Variants in VPS53 observed in about 807,000 individuals in gnomAD.
The protein encoded by VPS53 is vacuolar protein sorting-associated protein 53 homolog.
Under a neutral mutation model 107.0 loss-of-function variants are expected in VPS53, and 70 were observed. The ratio of observed to expected loss-of-function variants is 0.65; its 90% CI spans 0.54 to 0.80. VPS53 has a LOEUF of 0.80. VPS53 is among the 30% of genes least tolerant of loss of function. The probability of loss-of-function intolerance (pLI) is 0.00; values close to 1 mark genes in which losing one functional copy is unlikely to be tolerated. For missense variants in VPS53, 917 were observed against 1,049.4 expected (o/e 0.87, Z 1.74); for synonymous variants, 409 against 393.3 (o/e 1.04, Z -0.47).
chr17:640,643 C>G (rs182869460), intron 7 of VPS53, among the ~76,000 whole-genome samples: 1 of 151,950 alleles, frequency 6.6e-6, no homozygotes, highest in Admixed American at 6.6e-5. Context: ...CACTTCCTCT[C>G]TGTGGGTCAC....
chr17:568,517 G>C (rs922612018), intron 13 of VPS53, among the ~76,000 whole-genome samples: 4 of 152,148 alleles, frequency 2.6e-5, no homozygotes, highest in African/African-American at 9.7e-5. Context: ...AGGGTGCTGG[G>C]ATTACAGGCA....
chr17:653,991 C>G (rs1425545487), intron 6 of VPS53, among the ~76,000 whole-genome samples: 1 of 152,146 alleles, frequency 6.6e-6, no homozygotes, highest in Non-Finnish European at 1.5e-5. Flanking sequence ...GTCACGAGAT[C>G]GAGATCATCC....
intron 15 of VPS53, among the ~76,000 whole-genome samples, chr17:553,989 G>C (rs956596159): frequency 2.0e-5 from 3 of 152,160 alleles, no homozygotes; most frequent in African/African-American, 4.8e-5. Context: ...ACTTCCTCCA[G>C]AGCCTGTGCC....
At chr17:555,123 C>T (rs1912215653) in intron 15 of VPS53, among the ~76,000 whole-genome samples, 1 of 152,242 alleles carries the variant, frequency 6.6e-6, no homozygotes, top group African/African-American at 2.4e-5. Flanking sequence ...CTTCCTATGA[C>T]ACCGAAAATA....
At chr17:657,569 G>A (rs1016928271) in intron 5 of VPS53, 1 of 955,714 alleles carries the variant, frequency 1.0e-6, no homozygotes, top group Non-Finnish European at 1.7e-6. Flanking sequence ...GCAAGGAAAA[G>A]AGGACCTTTG....
chr17:668,320 C>G (rs1432358474), intron 4 of VPS53, among the ~76,000 whole-genome samples: 1 of 152,174 alleles, frequency 6.6e-6, no homozygotes, highest in Non-Finnish European at 1.5e-5. Flanking sequence ...ACAGTGGGAC[C>G]TTGACAAATA....
intron 7 of VPS53, chr17:632,864 G>A (rs1042946709): frequency 2.3e-6 from 1 of 426,474 alleles, no homozygotes; most frequent in Non-Finnish European, 4.7e-6. Flanking sequence ...AAACCAACAA[G>A]CTCGTTAAGT....
At chr17:531,685 T>C (rs903891398) in intron 19 of VPS53, among the ~76,000 whole-genome samples, 2 of 151,704 alleles carry the variant, frequency 1.3e-5, no homozygotes, top group East Asian at 1.9e-4. Flanking sequence ...TTTTGAGAGA[T>C]AGGGTTGCAC....
At chr17:592,971 A>G (rs1967747841) in intron 12 of VPS53, among the ~76,000 whole-genome samples, 1 of 152,146 alleles carries the variant, frequency 6.6e-6, no homozygotes. Flanking sequence ...GGATAGATCA[A>G]TGGAACAGAA....
chr17:602,257 A>C (rs1044614349), intron 11 of VPS53, among the ~76,000 whole-genome samples: 1 of 152,170 alleles, frequency 6.6e-6, no homozygotes, highest in Admixed American at 6.5e-5. Context: ...GCATTTATTA[A>C]AATATAGCAA....
chr17:521,207 G>A (rs1352379470), intron 20 of VPS53, among the ~76,000 whole-genome samples: 2 of 152,210 alleles, frequency 1.3e-5, no homozygotes, highest in African/African-American at 2.4e-5. Flanking sequence ...TCTGTTCAGA[G>A]TTCATTTAAA....
At chr17:525,682 G>A (rs1056398385) in intron 19 of VPS53, among the ~76,000 whole-genome samples, 4 of 151,208 alleles carry the variant, frequency 2.6e-5, no homozygotes, top group Non-Finnish European at 5.9e-5. Context: ...AGACAGAGTG[G>A]GACCCTGTCT....
chr17:570,442 C>T (rs544813066), intron 13 of VPS53, among the ~76,000 whole-genome samples: 1 of 151,334 alleles, frequency 6.6e-6, no homozygotes, highest in African/African-American at 2.4e-5. Context: ...TCTGTGCCTC[C>T]TGATATGAAT....
rs898035525 is a variant in VPS53 at position 508,921 on chromosome 17, A to T, written c.*10207T>A. On this transcript the variant is annotated 3_prime_UTR_variant, in exon 22 of 22. Coordinates refer to ENST00000437048, the MANE Select transcript of VPS53 (RefSeq NM_001128159.3). ...TTTCTTCTGAAAAATATTTGAACTC[A>T]TAAAATGTATTCATAAAATACTTTT... The T allele has an allele frequency of 3.3e-5, 5 of 152,216 alleles. No homozygotes were observed. Among genetic ancestry groups the T allele is most frequent in the African/African-American group, 7.2e-5 (3 of 41,432 alleles). The allele number at this position is 152,216 out of a possible 1,614,324, so 9.4% of individuals were successfully genotyped here.
At position 631,604 on chromosome 17, in the gene VPS53, T is replaced by G. The variant is rs146580136; in HGVS notation, c.633A>C (p.Leu211Phe). 6.2e-7 allele frequency: 1 copy of G among 1,614,108 alleles called. No individual in the cohort carries two copies. The highest frequency in any genetic ancestry group is 1.3e-5 in the African/African-American group (1 of 75,042). ...SERVKAAQTELGQQILADFEE... is the reference protein window; with the variant it reads ...SERVKAAQTEFGQQILADFEE... Reference sequence around the variant, plus strand: ...CAAAATCTGCCAGGATTTGCTGTCCTAACTCAGTCTGTGCAGCCTTCACTC... The same window carrying G: ...CAAAATCTGCCAGGATTTGCTGTCCGAACTCAGTCTGTGCAGCCTTCACTC... Residue 211 changes from leucine to phenylalanine, a missense_variant, in exon 8 of 22, where the codon TTA (leucine) becomes TTC (phenylalanine). Coordinates refer to ENST00000437048, the MANE Select transcript of VPS53 (RefSeq NM_001128159.3).
At chr17:668,830 A>G (rs1597464134) in intron 4 of VPS53, among the ~76,000 whole-genome samples, 2 of 152,262 alleles carry the variant, frequency 1.3e-5, no homozygotes, top group East Asian at 3.9e-4. Flanking sequence ...AAGGGTTTCT[A>G]TCCCTTTCTC....
chr17:694,263 G>A (rs1203036323), intron 4 of VPS53, among the ~76,000 whole-genome samples: 1 of 152,204 alleles, frequency 6.6e-6, no homozygotes, highest in Non-Finnish European at 1.5e-5. Context: ...CTTGCTCTGT[G>A]AAATACGACC....
At chr17:547,642 A>G (rs1015155060) in intron 17 of VPS53, among the ~76,000 whole-genome samples, 1 of 152,034 alleles carries the variant, frequency 6.6e-6, no homozygotes, top group African/African-American at 2.4e-5. Flanking sequence ...TGTACACTTT[A>G]TTTATTTATT....
rs369962830 is a variant in VPS53 at position 519,788 on chromosome 17, G to C, written c.2328+38C>G. The C allele has an allele frequency of 3.5e-5, 49 of 1,405,856 alleles. No individual in the cohort carries two copies. The African/African-American group carries it at 6.3e-4, about 18-fold the overall frequency. The allele number at this position is 1,405,856 out of a possible 1,614,324, so 87.1% of individuals were successfully genotyped here. On this transcript the variant is annotated intron_variant, in intron 21 of 21. Coordinates refer to ENST00000437048, the MANE Select transcript of VPS53 (RefSeq NM_001128159.3). This position sits in a 1 kb window ranked among gnomAD's most constrained non-coding sequence, Gnocchi z 5.0. ...CGGTTAAGAACCGCTGAGTGTGAGG[G>C]GGATGAGCAGGTGTGGACCAAATGT... is the stretch of plus-strand genomic sequence containing the variant.
Sources: allele counts gnomAD v4.1 joint callset (sites outside exome capture counted in the v4.1 genomes callset), GRCh38; gene constraint gnomAD v4.1.1; non-coding constraint Gnocchi (gnomAD v3.1); transcripts MANE v1.5; gene names NCBI Gene and HGNC (gene_info 2026-07-23, HGNC 2026-07-21).